SLC17A1: variants seen among roughly 807,000 people sequenced by gnomAD.
The protein encoded by SLC17A1 is sodium-dependent phosphate transport protein 1.
Under a neutral mutation model 53.5 loss-of-function variants are expected in SLC17A1, and 51 were observed. The observed-to-expected ratio is 0.95, with a 90% CI of 0.76 to 1.20. The LOEUF (loss-of-function observed/expected upper bound fraction) is 1.20, where lower values mean the gene tolerates loss of function less well. Ranked by LOEUF, SLC17A1 falls within the 50% of genes most tolerant of loss-of-function variation. The pLI, the probability that SLC17A1 is intolerant of heterozygous loss-of-function variation, is 0.00. For missense variants in SLC17A1, 538 were observed against 568.2 expected (o/e 0.95, Z 0.54); for synonymous variants, 179 against 198.8 (o/e 0.90, Z 0.84).
Position 25,800,872 on chromosome 6 carries a change from C to G in SLC17A1, c.1269+18G>C. 6.9e-7 allele frequency: 1 copy of G among 1,444,708 alleles called. No individual in the cohort carries two copies. The highest frequency in any genetic ancestry group is 1.2e-5 in the South Asian group (1 of 86,476). 89.5% of individuals were successfully genotyped at this position (1,444,708 alleles called of 1,614,324 possible). On this transcript the variant is annotated intron_variant, in intron 11 of 12. Transcript: ENST00000244527. Reference sequence around the variant, plus strand: ...AATTAATATTGGAAAAATAACTACACATCTGTATGTTTCTTACCTGCTTAA... The same window carrying G: ...AATTAATATTGGAAAAATAACTACAGATCTGTATGTTTCTTACCTGCTTAA...
the SLC17A1 span, among the ~76,000 whole-genome samples, chr6:25,762,826 G>T: frequency 6.6e-6 from 1 of 152,178 alleles, no homozygotes; most frequent in Admixed American, 6.5e-5. Context: ...TACTATTCCA[G>T]TAGTCTCGGC....
chr6:25,814,032 T>A (rs1212753653), intron 6 of SLC17A1, among the ~76,000 whole-genome samples: 1 of 152,224 alleles, frequency 6.6e-6, no homozygotes, highest in Admixed American at 6.5e-5. Context: ...ATCACCCAGT[T>A]TTGACAGCTT....
intron 2 of SLC17A1, among the ~76,000 whole-genome samples, chr6:25,828,237 A>T (rs1054837911): frequency 1.3e-5 from 2 of 152,090 alleles, no homozygotes; most frequent in African/African-American, 4.8e-5. Flanking sequence ...ATTTTTCATA[A>T]GGTCTGGAGA....
chr6:25,805,890 C>G (rs1763936650), intron 10 of SLC17A1, among the ~76,000 whole-genome samples: 1 of 151,074 alleles, frequency 6.6e-6, no homozygotes. Context: ...AAATTGCCAA[C>G]AACAACAACA....
At chr6:25,733,581 A>G in the SLC17A1 span, among the ~76,000 whole-genome samples, 4 of 152,190 alleles carry the variant, frequency 2.6e-5, no homozygotes, top group African/African-American at 9.7e-5. Context: ...TGAAGTGCTT[A>G]ATACACTATA....
chr6:25,746,728 A>G, the SLC17A1 span, among the ~76,000 whole-genome samples: 2 of 152,178 alleles, frequency 1.3e-5, no homozygotes, highest in Non-Finnish European at 2.9e-5. Context: ...TCCTAGTATA[A>G]TAGCTAGCTT....
the SLC17A1 span, chr6:25,726,946 A>G: frequency 1.2e-6 from 2 of 1,614,028 alleles, no homozygotes; most frequent in South Asian, 1.1e-5. Context: ...ACCATTTCCA[A>G]GAAGGGCTTT....
At chr6:25,727,362 TG>T in the SLC17A1 span, 1 of 1,374,820 alleles carries the variant, frequency 7.3e-7, no homozygotes, top group South Asian at 1.5e-5. Context: ...CTGAAACAGC[TG>T]TGGGCTTCGT....
chr6:25,770,591 G>T, the SLC17A1 span: 2 of 900,536 alleles, frequency 2.2e-6, no homozygotes, highest in Non-Finnish European at 3.6e-6. Flanking sequence ...TTTCCTTAAA[G>T]CACTACCCCA....
chr6:25,759,003 T>A, the SLC17A1 span, among the ~76,000 whole-genome samples: 1 of 152,210 alleles, frequency 6.6e-6, no homozygotes, highest in Admixed American at 6.5e-5. Flanking sequence ...ATGTCACGGT[T>A]GTCGTTCAGT....
At chr6:25,776,701 C>G in the SLC17A1 span, 8 of 1,613,794 alleles carry the variant, frequency 5.0e-6, no homozygotes, top group South Asian at 5.5e-5. Flanking sequence ...AGACTCATCA[C>G]CATCAGGAAA....
intron 2 of SLC17A1, among the ~76,000 whole-genome samples, chr6:25,827,424 A>G (rs1764789855): frequency 6.6e-6 from 1 of 152,192 alleles, no homozygotes; most frequent in South Asian, 2.1e-4. Flanking sequence ...AATTTGGATA[A>G]ATCTGGATGA....
chr6:25,774,581 C>T, the SLC17A1 span, among the ~76,000 whole-genome samples: 2 of 152,170 alleles, frequency 1.3e-5, no homozygotes, highest in East Asian at 3.9e-4. Context: ...AGAAATTAAA[C>T]CAGAACCTTA....
the SLC17A1 span, chr6:25,776,540 T>G: frequency 1.3e-6 from 2 of 1,542,004 alleles, no homozygotes; most frequent in East Asian, 4.5e-5. Flanking sequence ...AGGTTGTCTG[T>G]GTCGTGGTGG....
At chr6:25,819,304 C>T (rs45493498) in intron 5 of SLC17A1, 150 bp from the exon 6 acceptor site, 77,068 of 689,650 alleles carry the variant, frequency 0.11, 5,044 homozygotes, top group Middle Eastern at 0.17. Context: ...AAAATATTTT[C>T]TTTTCTCTCT....
At chr6:25,725,849 G>A in the SLC17A1 span, among the ~76,000 whole-genome samples, 2 of 152,228 alleles carry the variant, frequency 1.3e-5, no homozygotes, top group East Asian at 1.9e-4. Context: ...CTCCACTGAA[G>A]TGCAAGTACT....
At chr6:25,767,616 G>C in the SLC17A1 span, among the ~76,000 whole-genome samples, 1 of 152,142 alleles carries the variant, frequency 6.6e-6, no homozygotes, top group African/African-American at 2.4e-5. Context: ...AGTAGGAACA[G>C]AGTAGTTTAA....
At chr6:25,771,415 A>G in the SLC17A1 span, among the ~76,000 whole-genome samples, 1,311 of 152,104 alleles carry the variant, frequency 8.6e-3, 24 homozygotes, top group East Asian at 0.065. Context: ...CTCTACTAAA[A>G]TTATAAAAAT....
chr6:25,729,061 T>C, the SLC17A1 span, among the ~76,000 whole-genome samples: 780 of 152,324 alleles, frequency 5.1e-3, 6 homozygotes, highest in African/African-American at 0.018. Flanking sequence ...AGGTATCACA[T>C]AGCTGCCAAA....
Sources: gnomAD v4.1 joint callset for allele counts (sites outside exome capture counted in the v4.1 genomes callset) on GRCh38, gnomAD v4.1.1 for gene constraint, MANE v1.5 for transcripts, NCBI Gene and HGNC (gene_info 2026-07-23, HGNC 2026-07-21) for gene names.